PEX5L: variants seen among roughly 807,000 people sequenced by gnomAD.
The protein encoded by PEX5L is PEX5-related protein.
PEX5L carries 30 observed loss-of-function variants against 84.0 expected under a neutral mutation model. The ratio of observed to expected loss-of-function variants is 0.36; its 90% confidence interval spans 0.27 to 0.48. PEX5L has a LOEUF of 0.48. Among genes scored for constraint, PEX5L ranks in the 20% least tolerant of loss-of-function variants. The pLI is 0.99. For synonymous variants in PEX5L, 270 were observed against 283.1 expected (o/e 0.95, Z 0.46); for missense variants, 533 against 754.6 (o/e 0.71, Z 3.44).
At chr3:179,822,848 A>G (rs1321357172) in intron 8 of PEX5L, among the ~76,000 whole-genome samples, 1 of 152,228 alleles carries the variant, frequency 6.6e-6, no homozygotes, top group Non-Finnish European at 1.5e-5. Context: ...ACTCATAAAA[A>G]CATTGGGATA....
chr3:179,853,091 C>A (rs951763892), intron 8 of PEX5L, among the ~76,000 whole-genome samples: 2 of 152,062 alleles, frequency 1.3e-5, no homozygotes, highest in Non-Finnish European at 1.5e-5. Context: ...TATGGGAGAT[C>A]GACATGAAAC....
At chr3:179,955,163 A>C (rs1043683319) in intron 2 of PEX5L, among the ~76,000 whole-genome samples, 4 of 152,176 alleles carry the variant, frequency 2.6e-5, no homozygotes, top group African/African-American at 9.7e-5. Flanking sequence ...AGTTCTGAGG[A>C]AGCTAGAGGC....
At chr3:179,941,370 G>C (rs114792320) in intron 2 of PEX5L, among the ~76,000 whole-genome samples, 2 of 152,066 alleles carry the variant, frequency 1.3e-5, no homozygotes, top group Non-Finnish European at 2.9e-5. Flanking sequence ...TCTCTACGAG[G>C]TACTTCATAT....
intron 2 of PEX5L, among the ~76,000 whole-genome samples, chr3:179,915,290 T>C (rs1025823094): frequency 1.3e-5 from 2 of 152,198 alleles, no homozygotes; most frequent in Non-Finnish European, 2.9e-5. Context: ...GAGGCAGTGC[T>C]GGGATGGGAG....
At chr3:179,986,056 GCT>G (rs1013372364) in intron 1 of PEX5L, among the ~76,000 whole-genome samples, 1 of 151,844 alleles carries the variant, frequency 6.6e-6, no homozygotes, top group Non-Finnish European at 1.5e-5. Context: ...TATTGATCTG[GCT>G]CTCTCTGCAC....
intron 8 of PEX5L, among the ~76,000 whole-genome samples, chr3:179,825,715 G>A (rs1020136279): frequency 2.0e-5 from 3 of 152,140 alleles, no homozygotes; most frequent in Non-Finnish European, 4.4e-5. Context: ...TCCTTGTCAC[G>A]TGACCTTATG....
intron 3 of PEX5L, among the ~76,000 whole-genome samples, chr3:179,890,688 C>A (rs79494925): frequency 0.025 from 3,724 of 151,686 alleles, 150 homozygotes; most frequent in African/African-American, 0.086. Flanking sequence ...AACAAACAAA[C>A]AAAAAAAACT....
intron 1 of PEX5L, among the ~76,000 whole-genome samples, chr3:180,009,566 T>G (rs998697995): frequency 6.7e-6 from 1 of 150,070 alleles, no homozygotes; most frequent in Non-Finnish European, 1.5e-5. Flanking sequence ...TGAAAAAATT[T>G]TTTTCTTTTC....
intron 5 of PEX5L, among the ~76,000 whole-genome samples, 182 bp downstream of exon 5, chr3:179,879,747 G>A (rs1438165254): frequency 6.6e-6 from 1 of 152,182 alleles, no homozygotes; most frequent in Non-Finnish European, 1.5e-5. Context: ...GTTATGCAAA[G>A]TTGAGCTCCC....
At chr3:179,807,618 T>A in intron 14 of PEX5L, 56 bp downstream of exon 14, 7 of 1,531,478 alleles carry the variant, frequency 4.6e-6, no homozygotes, top group Non-Finnish European at 6.3e-6. Context: ...CCTTTCAGAT[T>A]ATTCGACCTC....
At chr3:179,817,918 C>A (rs1470192947) in intron 9 of PEX5L, among the ~76,000 whole-genome samples, 1 of 152,202 alleles carries the variant, frequency 6.6e-6, no homozygotes, top group Non-Finnish European at 1.5e-5. Context: ...GTCTGATGAT[C>A]TGAATCAATG....
intron 4 of PEX5L, among the ~76,000 whole-genome samples, chr3:179,886,646 G>A (rs922243071): frequency 6.6e-6 from 1 of 152,140 alleles, no homozygotes; most frequent in African/African-American, 2.4e-5. Context: ...GGAATTCATG[G>A]AGTTTGAACC....
At chr3:179,817,704 G>A (rs1342037062) in intron 9 of PEX5L, among the ~76,000 whole-genome samples, 1 of 152,214 alleles carries the variant, frequency 6.6e-6, no homozygotes, top group Non-Finnish European at 1.5e-5. Context: ...ATACAAATAA[G>A]CTAGTGTGTT....
At chr3:179,912,465 T>C (rs1375226069) in intron 2 of PEX5L, among the ~76,000 whole-genome samples, 1 of 152,076 alleles carries the variant, frequency 6.6e-6, no homozygotes, top group Non-Finnish European at 1.5e-5. Flanking sequence ...ATGTTATATG[T>C]ACAAAAAATT....
At chr3:179,848,827 G>C (rs1388174343) in intron 8 of PEX5L, among the ~76,000 whole-genome samples, 4 of 152,154 alleles carry the variant, frequency 2.6e-5, no homozygotes, top group Admixed American at 2.6e-4. Flanking sequence ...GTGCTGTGGT[G>C]TGCTTGACTA....
At chr3:179,832,326 T>C (rs1186422231) in intron 8 of PEX5L, among the ~76,000 whole-genome samples, 5 of 151,906 alleles carry the variant, frequency 3.3e-5, no homozygotes, top group Non-Finnish European at 1.5e-5. Flanking sequence ...CAACAAACCT[T>C]CCTGCTTACT....
intron 10 of PEX5L, among the ~76,000 whole-genome samples, chr3:179,814,412 T>G (rs1725230668): frequency 6.6e-6 from 1 of 152,222 alleles, no homozygotes; most frequent in Admixed American, 6.5e-5. Flanking sequence ...TTAGAGGGTT[T>G]AACTGATTTG....
At chr3:179,911,527 A>G (rs1276997457) in intron 2 of PEX5L, among the ~76,000 whole-genome samples, 2 of 152,224 alleles carry the variant, frequency 1.3e-5, no homozygotes, top group African/African-American at 2.4e-5. Context: ...AAAAGTAAGA[A>G]TTCAATACGC....
intron 12 of PEX5L, 142 bp from the exon 13 acceptor site, chr3:179,808,579 G>C: frequency 1.9e-6 from 1 of 519,626 alleles, no homozygotes; most frequent in South Asian, 3.7e-5. Flanking sequence ...AACTCAATGA[G>C]AGGACTATTA....
Sources: allele counts gnomAD v4.1 joint callset (sites outside exome capture counted in the v4.1 genomes callset), GRCh38; gene constraint gnomAD v4.1.1; transcripts MANE v1.5; gene names NCBI Gene and HGNC (gene_info 2026-07-23, HGNC 2026-07-21).